The following ROS1 variants were observed in gnomAD, a reference collection of about 807,000 sequenced individuals.
The protein encoded by ROS1 is ROS proto-oncogene 1, receptor tyrosine kinase, also known as proto-oncogene tyrosine-protein kinase ROS.
ROS1 carries 263 observed loss-of-function variants against 273.5 expected under a neutral mutation model. The observed-to-expected ratio is 0.96, with a 90% CI of 0.87 to 1.06. ROS1 has a LOEUF of 1.06. Among genes scored for constraint, ROS1 ranks in the 50% least tolerant of loss-of-function variants. The pLI, the probability that ROS1 is intolerant of heterozygous loss-of-function variation, is 0.00. For missense variants in ROS1, 2,833 were observed against 2,751.1 expected (o/e 1.03, Z -0.67); for synonymous variants, 1,008 against 954.1 (o/e 1.06, Z -1.04).
In ROS1 at chr6:117,318,277, G is replaced by C. The variant is rs377503825; in HGVS notation, c.5923-25C>G. ...TCTATACAACATAAAAACAAGTCAG[G>C]AATCAGTATAGCAGACATTTCTGTG... On this transcript the variant is annotated intron_variant, in intron 37 of 43. Transcript: ENST00000368507. The C allele has an allele frequency of 4.4e-5, 70 of 1,573,728 alleles. No homozygotes were observed. In the African/African-American group the frequency reaches 8.3e-4, roughly 19 times the overall value.
At chr6:117,394,018 A>G (rs1773286405) in intron 11 of ROS1, 144 bp downstream of exon 11, 2 of 495,054 alleles carry the variant, frequency 4.0e-6, no homozygotes, top group Admixed American at 4.1e-5. Flanking sequence ...CAGATCTATG[A>G]TTCATTGATA....
At chr6:117,400,751 T>C (rs1165860316) in intron 7 of ROS1, among the ~76,000 whole-genome samples, 1 of 152,192 alleles carries the variant, frequency 6.6e-6, no homozygotes, top group Admixed American at 6.5e-5. Flanking sequence ...TTAAGGGCCC[T>C]TGGGCTGACA....
rs1773576210 is a variant in ROS1 at position 117,288,302 on chromosome 6, G to C, written c.*190C>G. 4 of 590,480 alleles carry C rather than the reference G, an allele frequency of 6.8e-6. No homozygotes were observed. Among genetic ancestry groups the C allele is most frequent in the Non-Finnish European group, 1.2e-5 (4 of 337,482 alleles). The allele number at this position is 590,480 out of a possible 1,614,324, so 36.6% of individuals were successfully genotyped here. ...CATCTCATAATTCTACTGAAAGTCAGGCAGCTGGTATGGGGATTGCTACAA... is the reference window on the plus strand; with the variant it reads ...CATCTCATAATTCTACTGAAAGTCACGCAGCTGGTATGGGGATTGCTACAA... On this transcript the variant is annotated 3_prime_UTR_variant, in exon 44 of 44. Coordinates refer to ENST00000368507, the MANE Select transcript of ROS1 (RefSeq NM_001378902.1).
chr6:117,348,627 G>A (rs1778564118), intron 27 of ROS1, among the ~76,000 whole-genome samples: 1 of 151,062 alleles, frequency 6.6e-6, no homozygotes, highest in Non-Finnish European at 1.5e-5. Context: ...TTTTAGTTTT[G>A]TTTCTTATTA....
intron 13 of ROS1, among the ~76,000 whole-genome samples, chr6:117,388,980 G>A (rs1010963202): frequency 1.3e-5 from 2 of 152,012 alleles, no homozygotes; most frequent in Non-Finnish European, 2.9e-5. Flanking sequence ...ATGGAGATTC[G>A]AGTTCAGAGT....
chr6:117,314,820 C>A (rs1012185956), intron 39 of ROS1, among the ~76,000 whole-genome samples: 1 of 152,094 alleles, frequency 6.6e-6, no homozygotes, highest in Non-Finnish European at 1.5e-5. Flanking sequence ...CATTGGAGGA[C>A]CCCCAGTGGA....
chr6:117,369,057 A>G (rs1780511016), intron 18 of ROS1, among the ~76,000 whole-genome samples: 1 of 152,156 alleles, frequency 6.6e-6, no homozygotes, highest in African/African-American at 2.4e-5. Flanking sequence ...GACAAAGCTG[A>G]TCTAAACTAA....
chr6:117,362,896 A>T (rs1288280332), intron 21 of ROS1, 31 bp from the exon 22 acceptor site: 1 of 1,513,548 alleles, frequency 6.6e-7, no homozygotes. Flanking sequence ...TAGAGCAGAA[A>T]AGAATATAAG....
At chr6:117,339,955 T>G (rs970256581) in intron 31 of ROS1, among the ~76,000 whole-genome samples, 5 of 152,128 alleles carry the variant, frequency 3.3e-5, no homozygotes, top group Non-Finnish European at 7.4e-5. Context: ...TAGATCTCCA[T>G]TTCTGATCAA....
chr6:117,409,450 TA>T, intron 5 of ROS1, 131 bp downstream of exon 5: 1 of 698,456 alleles, frequency 1.4e-6, no homozygotes. Flanking sequence ...TTGAATTCTC[TA>T]AATAGATATT....
chr6:117,369,748 T>G (rs1780599469), intron 18 of ROS1, among the ~76,000 whole-genome samples: 1 of 152,190 alleles, frequency 6.6e-6, no homozygotes, highest in African/African-American at 2.4e-5. Flanking sequence ...TAATCAGTTT[T>G]CTCTGATTCA....
At chr6:117,385,074 C>G (rs897207354) in intron 16 of ROS1, among the ~76,000 whole-genome samples, 1 of 152,158 alleles carries the variant, frequency 6.6e-6, no homozygotes, top group African/African-American at 2.4e-5. Flanking sequence ...TAGCCCTGTG[C>G]ACACCTTTGA....
intron 22 of ROS1, among the ~76,000 whole-genome samples, chr6:117,362,236 T>C (rs1779863934): frequency 6.6e-6 from 1 of 152,074 alleles, no homozygotes; most frequent in South Asian, 2.1e-4. Context: ...GCTGCCCACT[T>C]GACCTCTTTG....
chr6:117,364,832 A>G (rs756128211), intron 21 of ROS1, among the ~76,000 whole-genome samples: 1 of 152,182 alleles, frequency 6.6e-6, no homozygotes, highest in Non-Finnish European at 1.5e-5. Flanking sequence ...CATCACTACA[A>G]TCAAATGAAA....
chr6:117,409,246 A>G (rs1050207540), intron 5 of ROS1, among the ~76,000 whole-genome samples: 1 of 105,194 alleles, frequency 9.5e-6, no homozygotes, highest in Non-Finnish European at 1.9e-5. Flanking sequence ...AAGAGAGAAA[A>G]AAAACTGGCA....
At chr6:117,322,404 A>G (rs1776346768) in intron 35 of ROS1, among the ~76,000 whole-genome samples, 1 of 152,132 alleles carries the variant, frequency 6.6e-6, no homozygotes, top group South Asian at 2.1e-4. Flanking sequence ...GTGAGTGCTT[A>G]TCCTATGCAC....
In ROS1 at chr6:117,321,286, C is replaced by T. The variant is rs775152205; in HGVS notation, c.5732G>A (p.Gly1911Asp). Residue 1911 changes from glycine to aspartate, a missense_variant, in exon 36 of 44, where the codon GGC (glycine) becomes GAC (aspartate). Transcript: ENST00000368507. ...TATTGCATAGCAGGCATTAGCCAGG[C>T]CTACTCCGGCTGCCAGACCTCGCAG... ...AELRGLAAGV[G>D]LANACYAIHT... The T allele has an allele frequency of 7.4e-6, 12 of 1,613,690 alleles. No individual in the cohort carries two copies. The South Asian group carries it at 1.3e-4, about 18-fold the overall frequency.
intron 27 of ROS1, among the ~76,000 whole-genome samples, chr6:117,350,844 T>C (rs1778786424): frequency 6.6e-6 from 1 of 152,152 alleles, no homozygotes; most frequent in South Asian, 2.1e-4. Context: ...TTCTTTTTTT[T>C]CCTCAAATAT....
At chr6:117,382,081 A>G (rs572044757) in intron 17 of ROS1, among the ~76,000 whole-genome samples, 1 of 152,298 alleles carries the variant, frequency 6.6e-6, no homozygotes, top group African/African-American at 2.4e-5. Context: ...TTGAGATAAT[A>G]TTATCAATAT....
Sources: gnomAD v4.1 joint callset for allele counts (sites outside exome capture counted in the v4.1 genomes callset) on GRCh38, gnomAD v4.1.1 for gene constraint, MANE v1.5 for transcripts, NCBI Gene and HGNC (gene_info 2026-07-23, HGNC 2026-07-21) for gene names.